RFC4: variants seen among roughly 807,000 people sequenced by gnomAD.
RFC4 encodes the protein A1 37 kDa subunit.
A neutral mutation model predicts 47.6 loss-of-function variants in RFC4; 38 were observed. The observed-to-expected ratio is 0.80, with a 90% confidence interval of 0.62 to 1.05. The LOEUF (loss-of-function observed/expected upper bound fraction) is 1.05, where lower values mean the gene tolerates loss of function less well. Among genes scored for constraint, RFC4 ranks in the 50% least tolerant of loss-of-function variants. The pLI is 0.00. For synonymous variants in RFC4, 164 were observed against 150.0 expected (o/e 1.09, Z -0.68); for missense variants, 489 against 434.0 (o/e 1.13, Z -1.13).
In RFC4 at chr3:186,803,445, G is replaced by A. The variant is rs112024441; in HGVS notation, c.131+1138C>T. ...TAATCTGTAAACATTGGTAATTACCGAGGCTACATTCAACCAATAGTTACA... is the reference window on the plus strand; with the variant it reads ...TAATCTGTAAACATTGGTAATTACCAAGGCTACATTCAACCAATAGTTACA... On this transcript the variant is annotated intron_variant, in intron 2 of 10. Coordinates refer to ENST00000296273, the MANE Select transcript of RFC4 (RefSeq NM_002916.5). Among the ~76,000 whole-genome samples, 701 of 152,264 alleles carry A rather than the reference G, an allele frequency of 4.6e-3. 6 individuals carry two copies. The highest frequency in any genetic ancestry group is 0.016 in the African/African-American group (662 of 41,558).
chr3:186,790,118 GA>G, intron 10 of RFC4, 23 bp downstream of exon 10: 1 of 1,602,554 alleles, frequency 6.2e-7, no homozygotes, highest in Non-Finnish European at 8.5e-7. Context: ...ATGTTCCATT[GA>G]CATGTGCAAA....
chr3:186,801,710 C>CAAAAAAAAAAAAAAAAAAAA (rs34281312), intron 2 of RFC4, among the ~76,000 whole-genome samples: 2 of 72,932 alleles, frequency 2.7e-5, no homozygotes, highest in African/African-American at 1.1e-4. Flanking sequence ...GACTCTGTCT[C>CAAAAAAAAAAAAAAAAAAAA]AAAAAAAAAA....
intron 2 of RFC4, among the ~76,000 whole-genome samples, chr3:186,803,670 A>ATTT (rs766384165): frequency 3.0e-5 from 4 of 134,408 alleles, no homozygotes; most frequent in Admixed American, 7.6e-5. Flanking sequence ...TGCCTGGCTA[A>ATTT]TTTTTTTTTT....
intron 8 of RFC4, 120 bp downstream of exon 8, chr3:186,791,605 T>C (rs1280051038): frequency 1.1e-6 from 1 of 870,724 alleles, no homozygotes; most frequent in Admixed American, 1.7e-5. Context: ...GGTTATTCCC[T>C]TATACTTCCT....
At position 186,792,486 on chromosome 3, in the gene RFC4, T is replaced by C. The variant is rs755491359; in HGVS notation, c.675+4A>G. 5.6e-6 allele frequency: 9 copies of C among 1,609,548 alleles called. No homozygotes were observed. In the South Asian group the frequency reaches 8.8e-5, roughly 16 times the overall value. On this transcript the variant is annotated splice_donor_region_variant and intron_variant, in intron 7 of 10. Coordinates refer to ENST00000296273, the MANE Select transcript of RFC4 (RefSeq NM_002916.5). The stretch of plus-strand genomic sequence containing the variant: ...CTCTAATAATTGTAATAATTAGTAA[T>C]TACCTCATCACTAATTTTGACATTT...
intron 8 of RFC4, 39 bp downstream of exon 8, chr3:186,791,686 G>A: frequency 6.2e-7 from 1 of 1,602,120 alleles, no homozygotes; most frequent in Middle Eastern, 1.7e-4. Context: ...CCACAAAAAA[G>A]CCAACTAAAA....
In RFC4 at chr3:186,789,921, T is replaced by C. The variant is rs763562848; in HGVS notation, c.*48A>G. The C allele has an allele frequency of 6.9e-5, 83 of 1,196,452 alleles. No individual in the cohort carries two copies. The East Asian group carries it at 1.9e-3, about 27-fold the overall frequency. The allele number at this position is 1,196,452 out of a possible 1,614,324, so 74.1% of individuals were successfully genotyped here. A position where few individuals can be genotyped will look rare whatever the true frequency, so the allele number is the denominator to read the frequency against. On this transcript the variant is annotated 3_prime_UTR_variant, in exon 11 of 11. Transcript: ENST00000296273. Reference sequence around the variant, plus strand: ...AAGGTGCTTTTGGTCATTTTATTTTTATTACAACTTCATTATTTACAAAAC... The same window carrying C: ...AAGGTGCTTTTGGTCATTTTATTTTCATTACAACTTCATTATTTACAAAAC...
chr3:186,790,329 G>C lies in RFC4; in HGVS notation c.879C>G (p.Val293=), dbSNP rs200590902. The C allele has an allele frequency of 4.3e-6, 7 of 1,613,078 alleles. No individual in the cohort carries two copies. Among genetic ancestry groups the C allele is most frequent in the Non-Finnish European group, 5.9e-6 (7 of 1,179,292 alleles). Residue 293 remains valine (V), a synonymous_variant, in exon 9 of 11, where the codon GTC becomes GTG. Transcript: ENST00000296273. ...SGSFDKLEAV[V]KDLIDEGHAA... is the part of the protein sequence containing the mutation. ...AAAGTTAGTAAGCTGACTTTACCTTGACCACAGCTTCTAGTTTGTCAAAAG... is the reference window on the plus strand; with the variant it reads ...AAAGTTAGTAAGCTGACTTTACCTTCACCACAGCTTCTAGTTTGTCAAAAG...
chr3:186,800,522 A>AT (rs1722329842), intron 3 of RFC4, among the ~76,000 whole-genome samples: 2 of 152,206 alleles, frequency 1.3e-5, no homozygotes, highest in African/African-American at 2.4e-5. Context: ...GGCATTCATC[A>AT]TAACACAACT....
In RFC4 at chr3:186,790,266, A is replaced by ATCCTAT; in HGVS notation, c.883-12_883-11insATAGGA. ...CTCATCTATTAAATCCTATAATAAA[A>ATCCTAT]AAAACTTTTGGTATGATGACTTAAT... On this transcript the variant is annotated splice_polypyrimidine_tract_variant and intron_variant, in intron 9 of 10. Coordinates refer to ENST00000296273, the MANE Select transcript of RFC4 (RefSeq NM_002916.5). 1 of 1,612,264 alleles carries ATCCTAT rather than the reference A, an allele frequency of 6.2e-7. No individual in the cohort carries two copies. Among genetic ancestry groups the ATCCTAT allele is most frequent in the Non-Finnish European group, 8.5e-7 (1 of 1,178,596 alleles).
intron 3 of RFC4, among the ~76,000 whole-genome samples, chr3:186,799,294 C>A (rs1272895917): frequency 6.6e-6 from 1 of 152,126 alleles, no homozygotes; most frequent in Non-Finnish European, 1.5e-5. Context: ...TTCTTTAAAA[C>A]CTTTCAAAAT....
intron 3 of RFC4, among the ~76,000 whole-genome samples, chr3:186,800,842 T>C (rs1172450549): frequency 6.6e-6 from 1 of 152,228 alleles, no homozygotes; most frequent in Non-Finnish European, 1.5e-5. Flanking sequence ...GTTTGTCTTG[T>C]TCTATGTTTT....
At chr3:186,795,654 G>C (rs1229473387) in intron 4 of RFC4, among the ~76,000 whole-genome samples, 1 of 152,110 alleles carries the variant, frequency 6.6e-6, no homozygotes. Context: ...TTAGCTGGGC[G>C]TGGTTACAGG....
chr3:186,790,267 AAAAC>A lies in RFC4; in HGVS notation c.883-16_883-13del, dbSNP rs747650566. On this transcript the variant is annotated splice_polypyrimidine_tract_variant and intron_variant, in intron 9 of 10. Transcript: ENST00000296273. ...TCATCTATTAAATCCTATAATAAAA[AAAAC>A]TTTTGGTATGATGACTTAATATTCC... 3.7e-6 allele frequency: 6 copies of A among 1,612,106 alleles called. No homozygotes were observed. Among genetic ancestry groups the A allele is most frequent in the Middle Eastern group, 1.7e-4 (1 of 6,056 alleles).
Position 186,791,804 on chromosome 3 carries a change from GCTTTT to G in RFC4, c.717_721del (p.Arg239SerfsTer32), listed in dbSNP as rs780833486. The G allele has an allele frequency of 3.7e-6, 6 of 1,609,742 alleles. No individual in the cohort carries two copies. The highest frequency in any genetic ancestry group is 3.3e-5 in the South Asian group (3 of 90,996). On this transcript the variant is annotated frameshift_variant, in exon 8 of 11. Transcript: ENST00000296273. LOFTEE classifies it high-confidence loss of function. The stretch of plus-strand genomic sequence containing the variant: ...AGTAGCGCTTTGAAGAAATGTAATG[GCTTTT>G]CTTAAGTCTCCTTCTGACACTTTAA...
Position 186,806,425 on chromosome 3 carries a change from G to C in RFC4, c.-147C>G, listed in dbSNP as rs1471589185. 1 of 152,254 alleles carries C rather than the reference G, an allele frequency of 6.6e-6. No individual in the cohort carries two copies. The highest frequency in any genetic ancestry group is 6.5e-5 in the Admixed American group (1 of 15,290). 9.4% of individuals were successfully genotyped at this position (152,254 alleles called of 1,614,324 possible). ...AGAATAACGGGCCCAGGAGACTTACGATCACTGATGTCCCCACAGTCGCCT... is the reference window on the plus strand; with the variant it reads ...AGAATAACGGGCCCAGGAGACTTACCATCACTGATGTCCCCACAGTCGCCT... On this transcript the variant is annotated 5_prime_UTR_variant, in exon 1 of 11. In the 5' UTR this introduces an upstream ATG that the reference lacks. Coordinates refer to ENST00000296273, the MANE Select transcript of RFC4 (RefSeq NM_002916.5).
chr3:186,806,148 C>G (rs1245641087), intron 1 of RFC4, 142 bp downstream of exon 1: 4 of 152,260 alleles, frequency 2.6e-5, no homozygotes, highest in Non-Finnish European at 4.4e-5. Context: ...CTGTCCGGAA[C>G]CACCATTTCA....
chr3:186,792,781 T>C (rs775543592), intron 6 of RFC4, 23 bp downstream of exon 6: 1 of 1,586,672 alleles, frequency 6.3e-7, no homozygotes. Flanking sequence ...GCCTAGCATC[T>C]GTCTTCAGGG....
chr3:186,797,011 G>A (rs982552456), intron 4 of RFC4, among the ~76,000 whole-genome samples: 15 of 152,140 alleles, frequency 9.9e-5, no homozygotes, highest in African/African-American at 3.4e-4. Context: ...AAGATTTTCT[G>A]GTGTACCTGG....
Sources: allele counts gnomAD v4.1 joint callset (sites outside exome capture counted in the v4.1 genomes callset), GRCh38; gene constraint gnomAD v4.1.1; transcripts MANE v1.5; gene names NCBI Gene and HGNC (gene_info 2026-07-23, HGNC 2026-07-21).